The following RANBP2 variants were observed in gnomAD, a reference collection of about 807,000 sequenced individuals.
RANBP2 encodes the protein E3 SUMO-protein ligase RanBP2.
RANBP2 carries 57 observed loss-of-function variants against 303.6 expected under a neutral mutation model. That is an observed-to-expected ratio of 0.19 (90% CI 0.15 to 0.23). The LOEUF is 0.23. Among genes scored for constraint, RANBP2 ranks in the 10% least tolerant of loss-of-function variants. The pLI is 1.00. For synonymous variants in RANBP2, 1,167 were observed against 1,301.5 expected (o/e 0.90, Z 2.23); for missense variants, 3,138 against 3,780.8 (o/e 0.83, Z 4.46).
the RANBP2 span, among the ~76,000 whole-genome samples, chr2:109,163,687 C>CA: frequency 6.6e-6 from 1 of 152,162 alleles, no homozygotes; most frequent in Non-Finnish European, 1.5e-5. Context: ...GCGTGAGCCA[C>CA]CGCGCCTGGC....
the RANBP2 span, among the ~76,000 whole-genome samples, chr2:109,089,438 T>C: frequency 2.7e-5 from 4 of 150,578 alleles, no homozygotes; most frequent in East Asian, 7.8e-4. Context: ...CCCCCATCTC[T>C]ATTTAAAAAA....
the RANBP2 span, among the ~76,000 whole-genome samples, chr2:108,845,555 G>GCTTTC: frequency 6.8e-6 from 1 of 146,024 alleles, no homozygotes; most frequent in African/African-American, 2.5e-5. Context: ...AGTTTGAAAT[G>GCTTTC]CTTTCCTTTC....
In RANBP2 at chr2:108,785,745, T is replaced by A. The variant is rs1265321818; in HGVS notation, c.*1844T>A. ...CCACGATAATATGTATCTTTCCTTT[T>A]AAACTGGATTTTATGTTGTCTCATT... On this transcript the variant is annotated 3_prime_UTR_variant, in exon 29 of 29. Transcript: ENST00000283195. 3 of 152,248 alleles carry A rather than the reference T, an allele frequency of 2.0e-5. No homozygotes were observed. The highest frequency in any genetic ancestry group is 7.2e-5 in the African/African-American group (3 of 41,452). 9.4% of individuals were successfully genotyped at this position (152,248 alleles called of 1,614,324 possible).
At chr2:109,275,594 C>T in the RANBP2 span, among the ~76,000 whole-genome samples, 7 of 152,190 alleles carry the variant, frequency 4.6e-5, no homozygotes, top group African/African-American at 1.7e-4. Context: ...CCGCACCCGC[C>T]GTGCTTCTGC....
chr2:109,206,747 T>G, the RANBP2 span, among the ~76,000 whole-genome samples: 1 of 151,312 alleles, frequency 6.6e-6, no homozygotes, highest in East Asian at 2.0e-4. Flanking sequence ...GCCCAGGAGT[T>G]CAAGGTTACA....
At chr2:109,273,043 G>C in the RANBP2 span, among the ~76,000 whole-genome samples, 4 of 152,208 alleles carry the variant, frequency 2.6e-5, no homozygotes, top group African/African-American at 9.7e-5. Context: ...TTTACCAGTG[G>C]GAGAAAGACC....
the RANBP2 span, among the ~76,000 whole-genome samples, chr2:109,174,315 G>C: frequency 6.6e-6 from 1 of 152,406 alleles, no homozygotes; most frequent in Non-Finnish European, 1.5e-5. Flanking sequence ...GAGAGGAACA[G>C]ACATGTGGGG....
chr2:109,322,292 T>C, the RANBP2 span, among the ~76,000 whole-genome samples: 1 of 152,088 alleles, frequency 6.6e-6, no homozygotes, highest in South Asian at 2.1e-4. Flanking sequence ...ATCCAGATCC[T>C]GCTCTGTAAA....
At chr2:109,061,006 C>T in the RANBP2 span, among the ~76,000 whole-genome samples, 5 of 152,022 alleles carry the variant, frequency 3.3e-5, no homozygotes, top group South Asian at 2.1e-4. Flanking sequence ...TTCTAGTAAG[C>T]GCTTCAAACT....
the RANBP2 span, among the ~76,000 whole-genome samples, chr2:109,581,433 T>C: frequency 9.4e-4 from 141 of 149,762 alleles, no homozygotes; most frequent in African/African-American, 3.4e-3. Context: ...TGAGACCCTG[T>C]CTCAAAAAAA....
chr2:108,786,770 C>G, downstream of RANBP2: 1 of 1,498,724 alleles, frequency 6.7e-7, no homozygotes, highest in Non-Finnish European at 9.1e-7. Flanking sequence ...CGCGTAGCGC[C>G]GCGGGTTTGA....
chr2:109,683,613 C>T, the RANBP2 span, among the ~76,000 whole-genome samples: 27 of 152,244 alleles, frequency 1.8e-4, no homozygotes, highest in Admixed American at 8.5e-4. Flanking sequence ...AGTGACCATG[C>T]GCCTGGCCGG....
At chr2:109,059,701 G>A in the RANBP2 span, among the ~76,000 whole-genome samples, 8 of 152,194 alleles carry the variant, frequency 5.3e-5, no homozygotes, top group Non-Finnish European at 1.0e-4. Context: ...CGGGACAGGG[G>A]CCTCTGCCCA....
At chr2:109,453,662 G>A in the RANBP2 span, among the ~76,000 whole-genome samples, 4 of 152,212 alleles carry the variant, frequency 2.6e-5, no homozygotes, top group African/African-American at 9.7e-5. Context: ...CTGGCAGAGC[G>A]CAGGCACACG....
the RANBP2 span, among the ~76,000 whole-genome samples, chr2:109,510,538 A>G: frequency 6.6e-6 from 1 of 152,232 alleles, no homozygotes; most frequent in Non-Finnish European, 1.5e-5. Flanking sequence ...TGCAGTGACT[A>G]CCAGACTGAA....
Position 108,763,528 on chromosome 2 carries a change from A to G in RANBP2, c.2989A>G (p.Lys997Glu). The change falls in exon 20 of 29, where the codon AAG (lysine) becomes GAG (glutamate). Residue 997 changes from lysine (K) to glutamate (E), a missense_variant. By Grantham distance (56) the Lys-to-Glu change is moderately conservative. This residue lies in a region of RANBP2 where 403 missense variants were observed against 376.7 expected (regional missense o/e 1.07). Transcript: ENST00000283195. ...TCATGCTTCAAGATCTGCAGAATCT[A>G]AGACTATAGAATTTGGGAAAACTAA... ...AAHASRSAES[K>E]TIEFGKTNFV... 1 of 1,614,140 alleles carries G rather than the reference A, an allele frequency of 6.2e-7. No individual in the cohort carries two copies. Among genetic ancestry groups the G allele is most frequent in the East Asian group, 2.2e-5 (1 of 44,880 alleles).
At chr2:109,001,744 G>GT in the RANBP2 span, among the ~76,000 whole-genome samples, 1 of 152,136 alleles carries the variant, frequency 6.6e-6, no homozygotes, top group East Asian at 1.9e-4. Context: ...TTGTTTGTTT[G>GT]TTTTTTGAGA....
the RANBP2 span, among the ~76,000 whole-genome samples, chr2:109,509,354 T>G: frequency 6.6e-6 from 1 of 152,176 alleles, no homozygotes; most frequent in Non-Finnish European, 1.5e-5. Context: ...TACCATGCAC[T>G]GCGTGGCTGA....
chr2:108,725,339 A>C (rs1008332897), intron 1 of RANBP2, among the ~76,000 whole-genome samples: 24 of 152,206 alleles, frequency 1.6e-4, no homozygotes, highest in African/African-American at 5.6e-4. Flanking sequence ...ATAGAAGAAT[A>C]ATTTGTAAAG....
Sources: gnomAD v4.1 joint callset for allele counts (sites outside exome capture counted in the v4.1 genomes callset) on GRCh38, gnomAD v4.1.1 for gene constraint, gnomAD v4.1.1 regional missense constraint, MANE v1.5 for transcripts, NCBI Gene and HGNC (gene_info 2026-07-23, HGNC 2026-07-21) for gene names.